Variants in HMGCLL1 observed in about 807,000 individuals in gnomAD.
HMGCLL1 encodes 3-hydroxy-3-methylglutaryl-CoA lyase like 1.
In HMGCLL1, 36 loss-of-function variants were observed where a neutral mutation model predicts 39.1. The ratio of observed to expected loss-of-function variants is 0.92; its 90% CI spans 0.71 to 1.22. HMGCLL1 has a LOEUF of 1.22. Among genes scored for constraint, HMGCLL1 ranks in the 50% most tolerant of loss-of-function variants. HMGCLL1 has a pLI of 0.00. For synonymous variants in HMGCLL1, 149 were observed against 144.0 expected (o/e 1.03, Z -0.25); for missense variants, 451 against 416.5 (o/e 1.08, Z -0.72).
intron 3 of HMGCLL1, 121 bp from the exon 4 acceptor site, chr6:55,516,724 T>C (rs965382744): frequency 2.0e-6 from 1 of 511,014 alleles, no homozygotes; most frequent in Non-Finnish European, 3.4e-6. Context: ...ATATCTGAAA[T>C]AAAAAAAAAT....
the HMGCLL1 span, among the ~76,000 whole-genome samples, chr6:55,622,803 C>T: frequency 1.3e-5 from 2 of 151,938 alleles, no homozygotes; most frequent in Admixed American, 6.6e-5. Context: ...CTTTTCTCTT[C>T]CCCTGTTTTT....
At chr6:55,485,132 G>C (rs1765955303) in intron 7 of HMGCLL1, among the ~76,000 whole-genome samples, 1 of 151,934 alleles carries the variant, frequency 6.6e-6, no homozygotes, top group Non-Finnish European at 1.5e-5. Context: ...CCAGTTCTTT[G>C]CTTACATCTC....
Position 55,579,101 on chromosome 6 carries a change from A to C in HMGCLL1, c.-46T>G. 2.8e-6 allele frequency: 4 copies of C among 1,426,528 alleles called. No individual in the cohort carries two copies. The highest frequency in any genetic ancestry group is 3.9e-6 in the Non-Finnish European group (4 of 1,025,018). 88.4% of individuals were successfully genotyped at this position (1,426,528 alleles called of 1,614,324 possible). A position where few individuals can be genotyped will look rare whatever the true frequency, so the allele number is the denominator to read the frequency against. Reference sequence around the variant, plus strand: ...TCGGCGAGGGGAGGGAGACTGGAGGAGGATGAGGGGCGGGCACCGCGCTGG... The same window carrying C: ...TCGGCGAGGGGAGGGAGACTGGAGGCGGATGAGGGGCGGGCACCGCGCTGG... On this transcript the variant is annotated 5_prime_UTR_variant, in exon 1 of 9. Transcript: ENST00000274901.
chr6:55,638,925 A>G, the HMGCLL1 span, among the ~76,000 whole-genome samples: 1 of 152,184 alleles, frequency 6.6e-6, no homozygotes. Flanking sequence ...TGCTAAGAAT[A>G]ACTTGCAAAT....
intron 7 of HMGCLL1, among the ~76,000 whole-genome samples, chr6:55,452,723 A>T (rs1007046726): frequency 6.6e-6 from 1 of 152,216 alleles, no homozygotes; most frequent in African/African-American, 2.4e-5. Flanking sequence ...AATTTCTCCA[A>T]GAAGTTTCCT....
At position 55,441,024 on chromosome 6, in the gene HMGCLL1, A is replaced by C. The variant is rs114750377; in HGVS notation, c.796-1465T>G. ...TATTCAATGATACTTATTAAAGCAC[A>C]GCAAGGATGAATTTATTTAGGAACA... On this transcript the variant is annotated intron_variant, in intron 7 of 8. Coordinates refer to ENST00000274901, the MANE Select transcript of HMGCLL1 (RefSeq NM_001042406.2). Among the ~76,000 whole-genome samples, 1,139 of 152,294 alleles carry C rather than the reference A, an allele frequency of 7.5e-3. 22 individuals are homozygous for C. The highest frequency in any genetic ancestry group is 0.026 in the African/African-American group (1,076 of 41,564).
chr6:55,479,594 T>C (rs779221751), intron 7 of HMGCLL1, among the ~76,000 whole-genome samples: 3 of 151,668 alleles, frequency 2.0e-5, no homozygotes, highest in Non-Finnish European at 4.4e-5. Context: ...TATTTTCCTT[T>C]ATATCCATTT....
At chr6:55,493,074 A>G (rs1366684955) in intron 7 of HMGCLL1, among the ~76,000 whole-genome samples, 1 of 150,032 alleles carries the variant, frequency 6.7e-6, no homozygotes, top group Admixed American at 6.7e-5. Context: ...ATAAAAATAC[A>G]TTACAATATA....
At chr6:55,487,058 C>T (rs943780408) in intron 7 of HMGCLL1, among the ~76,000 whole-genome samples, 1 of 152,056 alleles carries the variant, frequency 6.6e-6, no homozygotes, top group Non-Finnish European at 1.5e-5. Flanking sequence ...TACCATCACA[C>T]TGGTGATTTA....
At chr6:55,576,128 A>C (rs182697554) in intron 1 of HMGCLL1, among the ~76,000 whole-genome samples, 1 of 152,230 alleles carries the variant, frequency 6.6e-6, no homozygotes, top group Non-Finnish European at 1.5e-5. Flanking sequence ...CATGAAAATA[A>C]ATATATAATG....
rs756316109 is a variant in HMGCLL1 at position 55,495,404 on chromosome 6, A to C, written c.795+15T>G. 3.1e-6 allele frequency: 5 copies of C among 1,604,304 alleles called. No homozygotes were observed. The highest frequency in any genetic ancestry group is 2.6e-6 in the Non-Finnish European group (3 of 1,173,232). On this transcript the variant is annotated intron_variant, in intron 7 of 8. Coordinates refer to ENST00000274901, the MANE Select transcript of HMGCLL1 (RefSeq NM_001042406.2). ...ACCCTATGCACACACATAACACACA[A>C]AGAGTACAAAATACCTGAAGGGCCG...
chr6:55,617,956 CATAGTT>C, the HMGCLL1 span, among the ~76,000 whole-genome samples: 5 of 151,934 alleles, frequency 3.3e-5, no homozygotes, highest in Admixed American at 6.6e-5. Flanking sequence ...AATAAAAAAA[CATAGTT>C]ATAAGGAACG....
chr6:55,547,867 A>G (rs1332679855), intron 1 of HMGCLL1, among the ~76,000 whole-genome samples: 4 of 152,058 alleles, frequency 2.6e-5, no homozygotes, highest in Non-Finnish European at 5.9e-5. Context: ...AATGAGAAAT[A>G]CAAACTATTA....
intron 3 of HMGCLL1, among the ~76,000 whole-genome samples, chr6:55,536,526 A>T (rs548230563): frequency 3.1e-4 from 47 of 152,222 alleles, no homozygotes; most frequent in Admixed American, 6.5e-4. Flanking sequence ...TAACGGCCAC[A>T]TTCCAATGTT....
the HMGCLL1 span, among the ~76,000 whole-genome samples, chr6:55,584,912 A>G: frequency 6.6e-6 from 1 of 152,022 alleles, no homozygotes; most frequent in Non-Finnish European, 1.5e-5. Context: ...ACAATAAAAA[A>G]GAAACAATGA....
chr6:55,440,469 C>A (rs536608538), intron 7 of HMGCLL1, among the ~76,000 whole-genome samples: 1 of 151,904 alleles, frequency 6.6e-6, no homozygotes, highest in Non-Finnish European at 1.5e-5. Flanking sequence ...CTCTGTGTAC[C>A]GGAGAAGTTA....
the HMGCLL1 span, among the ~76,000 whole-genome samples, chr6:55,626,757 G>A: frequency 6.6e-6 from 1 of 152,056 alleles, no homozygotes; most frequent in African/African-American, 2.4e-5. Context: ...TAAAGTGGAA[G>A]TTAAGATTGC....
chr6:55,578,325 T>C (rs1771855544), intron 1 of HMGCLL1, among the ~76,000 whole-genome samples: 1 of 152,198 alleles, frequency 6.6e-6, no homozygotes. Flanking sequence ...TAAGAGTGCA[T>C]TAAATCATAA....
intron 1 of HMGCLL1, chr6:55,577,036 C>T (rs761901808): frequency 1.2e-6 from 2 of 1,611,988 alleles, no homozygotes; most frequent in Non-Finnish European, 1.7e-6. Context: ...CAAACTCACA[C>T]TAGGAAGAGT....
Sources: allele counts gnomAD v4.1 joint callset (sites outside exome capture counted in the v4.1 genomes callset), GRCh38; gene constraint gnomAD v4.1.1; transcripts MANE v1.5; gene names NCBI Gene and HGNC (gene_info 2026-07-23, HGNC 2026-07-21).